CNTNAP2: variants seen among roughly 807,000 people sequenced by gnomAD.
CNTNAP2 encodes the protein contactin associated protein 2.
In CNTNAP2, 98 loss-of-function variants were observed where a neutral mutation model predicts 155.2. The observed-to-expected ratio is 0.63, with a 90% CI of 0.54 to 0.75. The LOEUF is 0.75. Ranked by LOEUF, CNTNAP2 falls within the 30% of genes least tolerant of loss-of-function variation. The pLI is 0.00. For missense variants in CNTNAP2, 1,727 were observed against 1,688.1 expected (o/e 1.02, Z -0.40); for synonymous variants, 651 against 631.2 (o/e 1.03, Z -0.47).
intron 15 of CNTNAP2, among the ~76,000 whole-genome samples, chr7:148,028,419 C>T (rs1286242703): frequency 2.6e-5 from 4 of 152,130 alleles, no homozygotes; most frequent in South Asian, 2.1e-4. Context: ...TTAACCCAGG[C>T]TCTCTGAACC....
chr7:146,872,230 T>A (rs1795325891), intron 3 of CNTNAP2, among the ~76,000 whole-genome samples: 2 of 148,842 alleles, frequency 1.3e-5, no homozygotes, highest in Admixed American at 1.4e-4. Flanking sequence ...TCCACCTGTA[T>A]GAAAACAGAT....
intron 4 of CNTNAP2, among the ~76,000 whole-genome samples, chr7:147,059,240 A>G (rs1276485492): frequency 2.6e-5 from 4 of 152,182 alleles, no homozygotes; most frequent in Non-Finnish European, 4.4e-5. Flanking sequence ...TTCTATTGAA[A>G]GTTCAAACGA....
chr7:147,498,442 T>G (rs1199182254), intron 11 of CNTNAP2, among the ~76,000 whole-genome samples: 1 of 152,248 alleles, frequency 6.6e-6, no homozygotes, highest in Non-Finnish European at 1.5e-5. Flanking sequence ...ATTGCCACAG[T>G]TCCACTGAAC....
chr7:146,383,485 T>G (rs2129105349), intron 1 of CNTNAP2, among the ~76,000 whole-genome samples: 1 of 152,236 alleles, frequency 6.6e-6, no homozygotes, highest in South Asian at 2.1e-4. Flanking sequence ...ATTTACGTAT[T>G]ATTTATTTCA....
At chr7:148,057,506 G>C (rs1221672493) in intron 15 of CNTNAP2, among the ~76,000 whole-genome samples, 1 of 152,116 alleles carries the variant, frequency 6.6e-6, no homozygotes, top group African/African-American at 2.4e-5. Flanking sequence ...TTTTAACCTG[G>C]GTTAGAATGC....
Position 146,937,364 on chromosome 7 carries a change from AAAAAT to A in CNTNAP2, c.402+97479_402+97483del, listed in dbSNP as rs71165051. Reference sequence around the variant, plus strand: ...AGACTCTTGTCTCAAAAAAAAAAATAAAAATAAAATAAAATAAAATAAATAAAAGC... The same window carrying A: ...AGACTCTTGTCTCAAAAAAAAAAATAAAAATAAAATAAAATAAATAAAAGC... On this transcript the variant is annotated intron_variant, in intron 3 of 23. Transcript: ENST00000361727. 9.2e-3 allele frequency among the ~76,000 whole-genome samples: 1,359 copies of A among 147,370 alleles called. 19 individuals are homozygous for A. The highest frequency in any genetic ancestry group is 0.028 in the African/African-American group (1,123 of 40,530).
At chr7:146,592,709 G>A (rs527859976) in intron 1 of CNTNAP2, among the ~76,000 whole-genome samples, 3 of 152,010 alleles carry the variant, frequency 2.0e-5, no homozygotes, top group East Asian at 1.9e-4. Context: ...ACCATTCAAG[G>A]CAAAAATATC....
At chr7:146,797,198 G>A (rs1046924421) in intron 2 of CNTNAP2, among the ~76,000 whole-genome samples, 1 of 152,172 alleles carries the variant, frequency 6.6e-6, no homozygotes, top group Non-Finnish European at 1.5e-5. Context: ...TGGGCCAGTT[G>A]CACCTGTAAG....
chr7:147,854,765 T>G (rs939608148), intron 13 of CNTNAP2, among the ~76,000 whole-genome samples: 8 of 152,174 alleles, frequency 5.3e-5, no homozygotes, highest in Non-Finnish European at 1.0e-4. Flanking sequence ...TTGGAAGACT[T>G]TGAAGTCTAC....
intron 13 of CNTNAP2, among the ~76,000 whole-genome samples, chr7:147,801,950 G>T (rs570197527): frequency 0.031 from 4,709 of 150,772 alleles, 104 homozygotes; most frequent in Non-Finnish European, 0.05. Flanking sequence ...GGCCGGGCGG[G>T]GGGCTGACAC....
At chr7:147,130,489 C>T (rs75792239) in intron 7 of CNTNAP2, among the ~76,000 whole-genome samples, 1 of 151,926 alleles carries the variant, frequency 6.6e-6, no homozygotes, top group African/African-American at 2.4e-5. Context: ...TATGGATTCA[C>T]AATATGTGAG....
intron 1 of CNTNAP2, among the ~76,000 whole-genome samples, chr7:146,245,565 G>A (rs113982394): frequency 6.6e-6 from 1 of 152,044 alleles, no homozygotes; most frequent in Admixed American, 6.5e-5. Context: ...TAAGAATTCT[G>A]ACCACACTAA....
chr7:147,779,320 G>A (rs1797631975), intron 13 of CNTNAP2, among the ~76,000 whole-genome samples: 1 of 152,170 alleles, frequency 6.6e-6, no homozygotes, highest in Non-Finnish European at 1.5e-5. Flanking sequence ...GTAAATCTTA[G>A]TGGATATAAG....
chr7:148,162,044 G>A (rs910257005), intron 17 of CNTNAP2, among the ~76,000 whole-genome samples: 2 of 152,236 alleles, frequency 1.3e-5, no homozygotes, highest in African/African-American at 4.8e-5. Context: ...AAGTCTGAGA[G>A]TGAAGAGAAC....
intron 1 of CNTNAP2, among the ~76,000 whole-genome samples, chr7:146,524,154 C>G (rs1428101603): frequency 6.6e-6 from 1 of 152,084 alleles, no homozygotes; most frequent in Non-Finnish European, 1.5e-5. Flanking sequence ...AACATAGACT[C>G]ACTATGTCGA....
At chr7:146,372,061 C>G (rs796090457) in intron 1 of CNTNAP2, among the ~76,000 whole-genome samples, 14 of 151,982 alleles carry the variant, frequency 9.2e-5, no homozygotes, top group African/African-American at 3.4e-4. Flanking sequence ...AAAGAAGACC[C>G]TATATTTACA....
chr7:147,948,555 C>T (rs1585043728), intron 14 of CNTNAP2, among the ~76,000 whole-genome samples: 1 of 149,014 alleles, frequency 6.7e-6, no homozygotes, highest in South Asian at 2.1e-4. Flanking sequence ...TGATTATAAC[C>T]ATATATATCA....
chr7:146,154,857 T>G (rs1798101128), intron 1 of CNTNAP2, among the ~76,000 whole-genome samples: 1 of 152,198 alleles, frequency 6.6e-6, no homozygotes, highest in African/African-American at 2.4e-5. Context: ...TTCCTTCCCT[T>G]CAGAGCCAAA....
At chr7:146,631,927 A>G (rs1212099222) in intron 1 of CNTNAP2, among the ~76,000 whole-genome samples, 2 of 144,746 alleles carry the variant, frequency 1.4e-5, no homozygotes, top group African/African-American at 5.3e-5. Context: ...TCAAAGGCTC[A>G]GAAATCACTT....
Sources: allele counts gnomAD v4.1 joint callset (sites outside exome capture counted in the v4.1 genomes callset), GRCh38; gene constraint gnomAD v4.1.1; transcripts MANE v1.5; gene names NCBI Gene and HGNC (gene_info 2026-07-23, HGNC 2026-07-21).